Variants in DAB1 observed in about 807,000 individuals in gnomAD.
The protein encoded by DAB1 is DAB adaptor protein 1.
A neutral mutation model predicts 64.6 loss-of-function variants in DAB1; 15 were observed. The ratio of observed to expected loss-of-function variants is 0.23; its 90% CI spans 0.16 to 0.36. DAB1 has a LOEUF of 0.36. Ranked by LOEUF, DAB1 falls within the 10% of genes least tolerant of loss-of-function variation. DAB1 has a pLI of 1.00. For missense variants in DAB1, 596 were observed against 706.7 expected (o/e 0.84, Z 1.78); for synonymous variants, 235 against 251.9 (o/e 0.93, Z 0.64).
chr1:58,213,380 T>A (rs1201438386), intron 4 of DAB1, among the ~76,000 whole-genome samples: 11 of 152,104 alleles, frequency 7.2e-5, no homozygotes, highest in Non-Finnish European at 1.6e-4. Flanking sequence ...GGGTAATTTA[T>A]AAAGGAAAGA....
intron 3 of DAB1, among the ~76,000 whole-genome samples, chr1:58,409,287 T>G (rs1569738850): frequency 6.6e-6 from 1 of 152,122 alleles, no homozygotes; most frequent in Non-Finnish European, 1.5e-5. Flanking sequence ...TTTGCACAGA[T>G]GAGAAAATTG....
At chr1:58,316,989 A>G (rs1241123441) in intron 4 of DAB1, among the ~76,000 whole-genome samples, 4 of 152,224 alleles carry the variant, frequency 2.6e-5, no homozygotes, top group Non-Finnish European at 4.4e-5. Flanking sequence ...TAATCATTAC[A>G]ATGATCCATA....
intron 2 of DAB1, among the ~76,000 whole-genome samples, chr1:57,157,102 C>T (rs1159315617): frequency 1.3e-5 from 2 of 152,182 alleles, no homozygotes; most frequent in African/African-American, 2.4e-5. Flanking sequence ...CCAGGCTGCG[C>T]TCTAAAGACC....
chr1:57,453,386 T>TA (rs1039917625), intron 7 of DAB1, among the ~76,000 whole-genome samples: 3 of 152,200 alleles, frequency 2.0e-5, no homozygotes, highest in Admixed American at 1.3e-4. Flanking sequence ...ATAAGCCATT[T>TA]AAAAAATGTA....
chr1:57,443,775 T>C (rs1018636197), intron 7 of DAB1, among the ~76,000 whole-genome samples: 3 of 152,174 alleles, frequency 2.0e-5, no homozygotes, highest in African/African-American at 7.2e-5. Context: ...GCAGTTCACC[T>C]CCATCATCTC....
At chr1:58,091,856 A>C (rs79303001) in intron 5 of DAB1, among the ~76,000 whole-genome samples, 1 of 151,554 alleles carries the variant, frequency 6.6e-6, no homozygotes, top group Non-Finnish European at 1.5e-5. Flanking sequence ...CTCAACAACC[A>C]CAAGCAGACA....
chr1:57,369,799 C>A (rs1233274792), intron 1 of DAB1, among the ~76,000 whole-genome samples: 1 of 152,144 alleles, frequency 6.6e-6, no homozygotes. Context: ...AGACCTAGTG[C>A]TCAAGAAAGG....
chr1:57,734,911 A>G (rs34087633), intron 6 of DAB1, among the ~76,000 whole-genome samples: 27,177 of 152,242 alleles, frequency 0.18, 3,009 homozygotes, highest in Admixed American at 0.29. Context: ...AATTACCACT[A>G]CATATCAAAG....
At chr1:57,985,159 T>C (rs1161503377) in intron 5 of DAB1, among the ~76,000 whole-genome samples, 1 of 152,186 alleles carries the variant, frequency 6.6e-6, no homozygotes, top group East Asian at 1.9e-4. Context: ...CCACCCGCCT[T>C]GGCCTCCCAA....
At chr1:57,774,331 C>T (rs545763453) in intron 6 of DAB1, among the ~76,000 whole-genome samples, 1 of 151,836 alleles carries the variant, frequency 6.6e-6, no homozygotes, top group East Asian at 1.9e-4. Context: ...CTAAATTCAC[C>T]TCTTAATTCC....
intron 1 of DAB1, among the ~76,000 whole-genome samples, chr1:57,851,154 A>G (rs1435613708): frequency 6.6e-6 from 1 of 152,208 alleles, no homozygotes; most frequent in Non-Finnish European, 1.5e-5. Context: ...AAGAATTCCC[A>G]TGGGTCAAAT....
chr1:57,830,642 G>A lies in DAB1; in HGVS notation n.88-4187C>T, dbSNP rs886846865. ...GAAAGAATTGACACACAGGCCTGAG[G>A]CACACCTTTTGGAAAGCCTGCCTAC... is the stretch of plus-strand genomic sequence containing the variant. On this transcript the variant is annotated intron_variant and non_coding_transcript_variant, in intron 1 of 1. Transcript: ENST00000477280. Among the ~76,000 whole-genome samples the A allele has an allele frequency of 3.3e-5, 5 of 152,094 alleles. No individual in the cohort carries two copies. In the East Asian group the frequency reaches 7.7e-4, roughly 23 times the overall value.
intron 4 of DAB1, among the ~76,000 whole-genome samples, chr1:57,090,457 T>C (rs114370175): frequency 6.6e-6 from 1 of 152,282 alleles, no homozygotes; most frequent in African/African-American, 2.4e-5. Context: ...CTCAGCCAGT[T>C]GGGGGAGAGG....
chr1:58,026,172 C>T (rs549879331), intron 5 of DAB1, among the ~76,000 whole-genome samples: 2 of 152,300 alleles, frequency 1.3e-5, no homozygotes, highest in East Asian at 3.9e-4. Flanking sequence ...GGTTCATACG[C>T]ATTCAATGAA....
chr1:57,475,737 G>A (rs1643927533), intron 7 of DAB1, among the ~76,000 whole-genome samples: 1 of 152,186 alleles, frequency 6.6e-6, no homozygotes, highest in African/African-American at 2.4e-5. Flanking sequence ...GATGTTACCG[G>A]CCAACGCCAT....
At chr1:57,407,370 G>T (rs112386785) in intron 1 of DAB1, among the ~76,000 whole-genome samples, 4 of 152,152 alleles carry the variant, frequency 2.6e-5, no homozygotes, top group Non-Finnish European at 4.4e-5. Context: ...AAATAAAAAC[G>T]GAAGCAAAGA....
At chr1:58,335,944 A>G (rs1663107366) in intron 4 of DAB1, among the ~76,000 whole-genome samples, 1 of 152,196 alleles carries the variant, frequency 6.6e-6, no homozygotes, top group Non-Finnish European at 1.5e-5. Flanking sequence ...GAACGTGGAA[A>G]ATAGGCAGAT....
intron 3 of DAB1, among the ~76,000 whole-genome samples, chr1:58,443,653 C>T (rs2100273986): frequency 6.6e-6 from 1 of 152,294 alleles, no homozygotes; most frequent in African/African-American, 2.4e-5. Context: ...TGAGAACTCT[C>T]TGTACTATTT....
intron 6 of DAB1, among the ~76,000 whole-genome samples, chr1:57,711,171 T>C (rs1350975477): frequency 1.3e-5 from 2 of 152,234 alleles, no homozygotes; most frequent in Non-Finnish European, 2.9e-5. Context: ...TCATTAGTTT[T>C]ATCAATGCAG....
Sources: gnomAD v4.1 joint callset for allele counts (sites outside exome capture counted in the v4.1 genomes callset) on GRCh38, gnomAD v4.1.1 for gene constraint, MANE v1.5 for transcripts, NCBI Gene and HGNC (gene_info 2026-07-23, HGNC 2026-07-21) for gene names.